The following ABLIM2 variants were observed in gnomAD, a reference collection of about 807,000 sequenced individuals.
ABLIM2 encodes the protein actin binding LIM protein family member 2, also known as actin-binding LIM protein 2.
ABLIM2 carries 53 observed loss-of-function variants against 97.7 expected under a neutral mutation model. That is an observed-to-expected ratio of 0.54 (90% CI 0.44 to 0.68). The LOEUF (loss-of-function observed/expected upper bound fraction) is 0.68. Ranked by LOEUF, ABLIM2 falls within the 30% of genes least tolerant of loss-of-function variation. The pLI is 0.00. For missense variants in ABLIM2, 835 were observed against 867.2 expected (o/e 0.96, Z 0.47); for synonymous variants, 361 against 345.8 (o/e 1.04, Z -0.49).
At chr4:8,151,931 T>C (rs1712990564) in intron 1 of ABLIM2, among the ~76,000 whole-genome samples, 1 of 152,024 alleles carries the variant, frequency 6.6e-6, no homozygotes, top group South Asian at 2.1e-4. Flanking sequence ...AAAGTCCTTC[T>C]CAGGCCCAGG....
rs754552977 is a variant in ABLIM2, at chr4:8,088,188, GTGCGCGCTGCT to G, written c.424_434del (p.Ser142ProfsTer34). ...ACTTACTTCGGAGGCCCTGGGACAGGTGCGCGCTGCTGCCCACCGATACGGGCAGGGAACAC... is the reference window on the plus strand; with the variant it reads ...ACTTACTTCGGAGGCCCTGGGACAGGGCCCACCGATACGGGCAGGGAACAC... On this transcript the variant is annotated frameshift_variant, in exon 4 of 21. Coordinates refer to ENST00000447017, the MANE Select transcript of ABLIM2 (RefSeq NM_001130083.2). LOFTEE classifies it high-confidence loss of function. The G allele has an allele frequency of 6.2e-7, 1 of 1,610,188 alleles. No homozygotes were observed. The highest frequency in any genetic ancestry group is 8.5e-7 in the Non-Finnish European group (1 of 1,179,210).
rs1036918113 is a variant in ABLIM2, at chr4:8,130,238, G to A, written c.11-23601C>T. On this transcript the variant is annotated intron_variant, in intron 1 of 20. Transcript: ENST00000447017. This position sits in a 1 kb window ranked among gnomAD's most constrained non-coding sequence, Gnocchi z 4.2. Reference sequence around the variant, plus strand: ...GGGATGGAGACGCAGGGTGGCCAGGGTGGTGCTGGATGGCTGAGGCCCGGC... The same window carrying A: ...GGGATGGAGACGCAGGGTGGCCAGGATGGTGCTGGATGGCTGAGGCCCGGC... Among the ~76,000 whole-genome samples the A allele has an allele frequency of 6.6e-6, 1 of 152,244 alleles. No individual in the cohort carries two copies. Among genetic ancestry groups the A allele is most frequent in the African/African-American group, 2.4e-5 (1 of 41,466 alleles).
chr4:8,072,763 C>T lies in ABLIM2; in HGVS notation c.675+4865G>A, dbSNP rs545629807. On this transcript the variant is annotated intron_variant, in intron 6 of 20. Coordinates refer to ENST00000447017, the MANE Select transcript of ABLIM2 (RefSeq NM_001130083.2). The surrounding 1 kb of genome is among the most constrained non-coding windows in gnomAD (Gnocchi z 5.8). ...GTGTGTATGTGGCGGAGGGAGAGTG[C>T]CTGCATGTGGTGTTGGCCTGGCTGA... 2.7e-4 allele frequency among the ~76,000 whole-genome samples: 41 copies of T among 152,202 alleles called. 1 individual carries two copies. Among genetic ancestry groups the T allele is most frequent in the African/African-American group, 9.9e-4 (41 of 41,544 alleles).
At chr4:8,050,401 C>T (rs550480682) in intron 8 of ABLIM2, among the ~76,000 whole-genome samples, 1 of 152,224 alleles carries the variant, frequency 6.6e-6, no homozygotes, top group South Asian at 2.1e-4. Context: ...CTACTGCAAC[C>T]TTTCCTGGGG....
chr4:8,070,848 A>C (rs1286320310), intron 6 of ABLIM2, among the ~76,000 whole-genome samples: 2 of 152,128 alleles, frequency 1.3e-5, no homozygotes, highest in African/African-American at 4.8e-5. Context: ...TCGCAGAACC[A>C]GGGGGACGCT....
Position 8,004,882 on chromosome 4 carries a change from T to C in ABLIM2, c.1618+3177A>G, listed in dbSNP as rs1485184535. Reference sequence around the variant, plus strand: ...TATAGATTTCACTATGACGCCCTCTTTGGAGGGGTGGCAATGCCTGCTGGG... The same window carrying C: ...TATAGATTTCACTATGACGCCCTCTCTGGAGGGGTGGCAATGCCTGCTGGG... On this transcript the variant is annotated intron_variant, in intron 16 of 20. Coordinates refer to ENST00000447017, the MANE Select transcript of ABLIM2 (RefSeq NM_001130083.2). This position sits in a 1 kb window ranked among gnomAD's most constrained non-coding sequence, Gnocchi z 5.9. Among the ~76,000 whole-genome samples, 3 of 152,164 alleles carry C rather than the reference T, an allele frequency of 2.0e-5. No individual in the cohort carries two copies. The highest frequency in any genetic ancestry group is 4.4e-5 in the Non-Finnish European group (3 of 68,020).
chr4:7,976,362 A>T (rs993202294), intron 20 of ABLIM2, among the ~76,000 whole-genome samples: 4 of 152,142 alleles, frequency 2.6e-5, no homozygotes, highest in Admixed American at 1.3e-4. Flanking sequence ...TTTGCCCCAG[A>T]CCCAAATGGC....
At chr4:8,114,699 AG>A (rs1842051785) in intron 1 of ABLIM2, among the ~76,000 whole-genome samples, 1 of 152,180 alleles carries the variant, frequency 6.6e-6, no homozygotes, top group South Asian at 2.1e-4. Flanking sequence ...AGGTCCAGAC[AG>A]GGCGGCCCTC....
Position 8,071,875 on chromosome 4 carries a change from G to C in ABLIM2, c.675+5753C>G. 5 of 985,476 alleles carry C rather than the reference G, an allele frequency of 5.1e-6. No homozygotes were observed. Among genetic ancestry groups the C allele is most frequent in the Non-Finnish European group, 6.0e-6 (5 of 829,972 alleles). 61.0% of individuals were successfully genotyped at this position (985,476 alleles called of 1,614,324 possible). A position where few individuals can be genotyped will look rare whatever the true frequency, so the allele number is the denominator to read the frequency against. On this transcript the variant is annotated intron_variant, in intron 6 of 20. Transcript: ENST00000447017. The surrounding 1 kb of genome is among the most constrained non-coding windows in gnomAD (Gnocchi z 6.2). ...TGGACACCCTCACCTTCAGCCAACAGTCTGTCACCTGCTCCTGCTGCGCCC... is the reference window on the plus strand; with the variant it reads ...TGGACACCCTCACCTTCAGCCAACACTCTGTCACCTGCTCCTGCTGCGCCC...
rs746162516 is a variant in ABLIM2, at chr4:8,026,700, C to T, written c.1267+1059G>A. Among the ~76,000 whole-genome samples the T allele has an allele frequency of 1.3e-3, 191 of 152,376 alleles. 2 individuals are homozygous for T. The highest frequency in any genetic ancestry group is 1.0e-3 in the Non-Finnish European group (70 of 68,040). On this transcript the variant is annotated intron_variant, in intron 12 of 20. Coordinates refer to ENST00000447017, the MANE Select transcript of ABLIM2 (RefSeq NM_001130083.2). ...GTCAGCTGGGCTGTGTCACAAAATA[C>T]CACAGCCTGTGTGGCTTAAACAACA... is the stretch of plus-strand genomic sequence containing the variant.
chr4:8,018,638 C>A (rs1435549192), intron 14 of ABLIM2, among the ~76,000 whole-genome samples: 7 of 152,198 alleles, frequency 4.6e-5, no homozygotes, highest in Admixed American at 3.3e-4. Flanking sequence ...GTTTGTATAA[C>A]CTGATCACTG....
intron 2 of ABLIM2, among the ~76,000 whole-genome samples, chr4:8,104,582 G>C (rs1003553687): frequency 6.6e-6 from 1 of 152,164 alleles, no homozygotes; most frequent in African/African-American, 2.4e-5. Context: ...CTGAAGGTCG[G>C]GGCTGGGGTC....
intron 3 of ABLIM2, among the ~76,000 whole-genome samples, chr4:8,094,380 C>T (rs972305162): frequency 1.2e-4 from 19 of 152,160 alleles, no homozygotes; most frequent in African/African-American, 2.4e-4. Context: ...CCAGGAGCTT[C>T]GGCAAGACTC....
intron 14 of ABLIM2, among the ~76,000 whole-genome samples, chr4:8,013,194 A>G (rs1347882763): frequency 7.2e-6 from 1 of 138,926 alleles, no homozygotes; most frequent in Non-Finnish European, 1.6e-5. Flanking sequence ...TAAGCACTGT[A>G]TTGTGGTCTG....
Position 8,007,997 on chromosome 4 carries a change from G to A in ABLIM2, c.1618+62C>T, listed in dbSNP as rs559848318. The A allele has an allele frequency of 3.8e-5, 60 of 1,597,120 alleles. 1 individual carries two copies. Among genetic ancestry groups the A allele is most frequent in the Admixed American group, 5.1e-5 (3 of 59,276 alleles). Reference sequence around the variant, plus strand: ...GTAGGGGGATAGCTCTGAGTTCTGGGGCCTCTTTGCCGCGAGGCATTTTGT... The same window carrying A: ...GTAGGGGGATAGCTCTGAGTTCTGGAGCCTCTTTGCCGCGAGGCATTTTGT... On this transcript the variant is annotated intron_variant, in intron 16 of 20. Coordinates refer to ENST00000447017, the MANE Select transcript of ABLIM2 (RefSeq NM_001130083.2).
chr4:8,036,953 T>A (rs28497350), intron 9 of ABLIM2, among the ~76,000 whole-genome samples: 11,779 of 152,138 alleles, frequency 0.077, 667 homozygotes, highest in East Asian at 0.28. Flanking sequence ...CAAATCCTCA[T>A]ATGCTCAGGT....
Position 8,001,489 on chromosome 4 carries a change from C to T in ABLIM2, c.1618+6570G>A, listed in dbSNP as rs906749538. Among the ~76,000 whole-genome samples, 1 of 152,130 alleles carries T rather than the reference C, an allele frequency of 6.6e-6. No homozygotes were observed. Among genetic ancestry groups the T allele is most frequent in the Non-Finnish European group, 1.5e-5 (1 of 67,986 alleles). On this transcript the variant is annotated intron_variant, in intron 16 of 20. Transcript: ENST00000447017. The surrounding 1 kb of genome is among the most constrained non-coding windows in gnomAD (Gnocchi z 4.2). ...ATGCTCTGCCTGGGGCCACTGTCCT[C>T]GGGGTGGTGTATACCTCCAGCCACA...
In ABLIM2 at chr4:8,068,944, C is replaced by T. The variant is rs962638228; in HGVS notation, c.676-7890G>A. 6.6e-6 allele frequency among the ~76,000 whole-genome samples: 1 copy of T among 152,242 alleles called. No homozygotes were observed. The highest frequency in any genetic ancestry group is 1.9e-4 in the East Asian group (1 of 5,196). ...AGGGGATCCCCCTGGGGGTGTTTGGCGGCCAGGACAGAATCCCCAGAATCC... is the reference window on the plus strand; with the variant it reads ...AGGGGATCCCCCTGGGGGTGTTTGGTGGCCAGGACAGAATCCCCAGAATCC... On this transcript the variant is annotated intron_variant, in intron 6 of 20. Coordinates refer to ENST00000447017, the MANE Select transcript of ABLIM2 (RefSeq NM_001130083.2). This position sits in a 1 kb window ranked among gnomAD's most constrained non-coding sequence, Gnocchi z 4.5.
chr4:8,117,703 C>T (rs1271699221), intron 1 of ABLIM2, among the ~76,000 whole-genome samples: 5 of 152,176 alleles, frequency 3.3e-5, no homozygotes, highest in Non-Finnish European at 7.3e-5. Context: ...CTCCTAGGCT[C>T]GACCGAGAAG....
Sources: allele counts gnomAD v4.1 joint callset (sites outside exome capture counted in the v4.1 genomes callset), GRCh38; gene constraint gnomAD v4.1.1; non-coding constraint Gnocchi (gnomAD v3.1); transcripts MANE v1.5; gene names NCBI Gene and HGNC (gene_info 2026-07-23, HGNC 2026-07-21).